FREM3: variants seen among roughly 807,000 people sequenced by gnomAD.
The protein encoded by FREM3 is FRAS1 related extracellular matrix 3, also known as FRAS1-related extracellular matrix protein 3.
Under a neutral mutation model 129.1 loss-of-function variants are expected in FREM3, and 105 were observed. The ratio of observed to expected loss-of-function variants is 0.81; its 90% CI spans 0.69 to 0.96. The LOEUF is 0.96. Ranked by LOEUF, FREM3 falls within the 40% of genes least tolerant of loss-of-function variation. FREM3 has a pLI of 0.00. For synonymous variants in FREM3, 1,014 were observed against 1,044.9 expected (o/e 0.97, Z 0.57); for missense variants, 2,593 against 2,666.3 (o/e 0.97, Z 0.61).
In FREM3 at chr4:143,588,464, A is replaced by G. The variant is rs543580285; in HGVS notation, c.6029-2471T>C. ...TGTGTCCATGTGTTCTCATTGTTCA[A>G]TTCCCACCTATGAGTGAGAACATGC... On this transcript the variant is annotated intron_variant, in intron 6 of 7. Coordinates refer to ENST00000329798, the MANE Select transcript of FREM3 (RefSeq NM_001168235.2). 9.3e-5 allele frequency among the ~76,000 whole-genome samples: 14 copies of G among 151,030 alleles called. No individual in the cohort carries two copies. The East Asian group carries it at 2.4e-3, about 25-fold the overall frequency.
Position 143,695,712 on chromosome 4 carries a change from A to T in FREM3, c.4964T>A (p.Leu1655Ter). The change falls in exon 1 of 8, where the codon TTA (leucine) becomes TAA (stop). Residue 1655 changes from leucine to a stop codon, truncating the protein, a stop_gained. Coordinates refer to ENST00000329798, the MANE Select transcript of FREM3 (RefSeq NM_001168235.2). LOFTEE classifies it high-confidence loss of function. ...AGTAATCTGGGGAAGCCTATTGTCT[A>T]ATGATCTTATCTGGACCCTCATTAC... is the stretch of plus-strand genomic sequence containing the variant. ...PQVMRVQIRS[L>*]DNRLPQITTN... 6.5e-7 allele frequency: 1 copy of T among 1,537,230 alleles called. No homozygotes were observed. The highest frequency in any genetic ancestry group is 2.4e-5 in the East Asian group (1 of 40,906).
intron 2 of FREM3, among the ~76,000 whole-genome samples, chr4:143,687,462 A>G (rs1291130860): frequency 6.6e-6 from 1 of 152,186 alleles, no homozygotes; most frequent in Non-Finnish European, 1.5e-5. Context: ...AATTATTTTG[A>G]CACTATTCCA....
intron 4 of FREM3, among the ~76,000 whole-genome samples, chr4:143,622,201 C>G (rs1200635229): frequency 6.6e-6 from 1 of 151,392 alleles, no homozygotes; most frequent in Non-Finnish European, 1.5e-5. Context: ...TCAAGCAACT[C>G]TCGTGCCTCA....
At chr4:143,632,181 G>C (rs1212435748) in intron 2 of FREM3, among the ~76,000 whole-genome samples, 1 of 148,964 alleles carries the variant, frequency 6.7e-6, no homozygotes, top group Non-Finnish European at 1.5e-5. Flanking sequence ...ACTCTTCTAA[G>C]TGTTGAGGAT....
chr4:143,622,891 C>G lies in FREM3; in HGVS notation c.5653+1217G>C, dbSNP rs1271008966. Among the ~76,000 whole-genome samples, 3 of 152,118 alleles carry G rather than the reference C, an allele frequency of 2.0e-5. 1 individual carries two copies. Among genetic ancestry groups the G allele is most frequent in the Middle Eastern group, 6.3e-3 (2 of 316 alleles). On this transcript the variant is annotated intron_variant, in intron 4 of 7. Transcript: ENST00000329798. The stretch of plus-strand genomic sequence containing the variant: ...GACCATGATGATCTATGTTCTTCTC[C>G]TTGAACTCTTAGTGTTTCTCCCATG...
chr4:143,663,214 G>T (rs1343182489), intron 2 of FREM3, among the ~76,000 whole-genome samples: 14 of 152,098 alleles, frequency 9.2e-5, no homozygotes, highest in Non-Finnish European at 1.9e-4. Context: ...TTTTGCAGCA[G>T]CTGGTACCGG....
At chr4:143,665,303 C>A (rs1379946222) in intron 2 of FREM3, among the ~76,000 whole-genome samples, 1 of 152,054 alleles carries the variant, frequency 6.6e-6, no homozygotes. Flanking sequence ...AGGTGCCTTA[C>A]CCACTTATTC....
intron 6 of FREM3, among the ~76,000 whole-genome samples, chr4:143,591,976 T>C (rs1213177845): frequency 6.6e-6 from 1 of 152,216 alleles, no homozygotes. Context: ...GTTGAATTGA[T>C]CCCTTTACCA....
At chr4:143,611,964 C>T (rs1187303217) in intron 5 of FREM3, among the ~76,000 whole-genome samples, 3 of 152,152 alleles carry the variant, frequency 2.0e-5, no homozygotes, top group Non-Finnish European at 4.4e-5. Context: ...GTAATCTGAT[C>T]ATCACACACC....
chr4:143,597,911 C>A (rs1165342539), intron 6 of FREM3, among the ~76,000 whole-genome samples: 2 of 152,222 alleles, frequency 1.3e-5, no homozygotes, highest in African/African-American at 4.8e-5. Flanking sequence ...ACTTGGAAGT[C>A]TAAGATCAAA....
At chr4:143,686,498 C>T (rs1326001006) in intron 2 of FREM3, among the ~76,000 whole-genome samples, 1 of 152,162 alleles carries the variant, frequency 6.6e-6, no homozygotes. Context: ...ATACAGAACA[C>T]TGTATCCAGC....
rs559799625 is a variant in FREM3, at chr4:143,636,210, T to A, written c.5276-8450A>T. Among the ~76,000 whole-genome samples the A allele has an allele frequency of 1.3e-3, 188 of 147,200 alleles. 2 individuals carry two copies. Among genetic ancestry groups the A allele is most frequent in the African/African-American group, 4.6e-3 (184 of 40,214 alleles). ...GAATAAAATTGATGTCCTAATGTTC[T>A]AAAGAAAAAAAAAGAAAGGAAAACA... On this transcript the variant is annotated intron_variant, in intron 2 of 7. Coordinates refer to ENST00000329798, the MANE Select transcript of FREM3 (RefSeq NM_001168235.2).
intron 1 of FREM3, among the ~76,000 whole-genome samples, chr4:143,693,646 G>A (rs535030800): frequency 3.3e-5 from 5 of 152,254 alleles, no homozygotes; most frequent in African/African-American, 1.2e-4. Flanking sequence ...ACACATGCAT[G>A]CAAATGTTCA....
At chr4:143,676,519 A>G (rs991940971) in intron 2 of FREM3, among the ~76,000 whole-genome samples, 7 of 152,166 alleles carry the variant, frequency 4.6e-5, no homozygotes, top group Non-Finnish European at 1.0e-4. Context: ...CCTATTCAAC[A>G]TAGTGTTGGA....
At chr4:143,689,539 C>T (rs918920895) in intron 2 of FREM3, among the ~76,000 whole-genome samples, 1 of 151,836 alleles carries the variant, frequency 6.6e-6, no homozygotes, top group Admixed American at 6.6e-5. Flanking sequence ...AGGTATTTAC[C>T]CAGAGGAAAA....
chr4:143,621,017 G>A lies in FREM3; in HGVS notation c.5779+20C>T. ...CTCATCATCTTATTCCTATGAACAG[G>A]ACCCCACAGAGCCTCATACCTTGAC... On this transcript the variant is annotated intron_variant, in intron 5 of 7. Coordinates refer to ENST00000329798, the MANE Select transcript of FREM3 (RefSeq NM_001168235.2). The A allele has an allele frequency of 6.5e-7, 1 of 1,536,376 alleles. No individual in the cohort carries two copies. Among genetic ancestry groups the A allele is most frequent in the South Asian group, 1.2e-5 (1 of 84,002 alleles).
intron 2 of FREM3, among the ~76,000 whole-genome samples, chr4:143,685,944 G>T (rs1377695591): frequency 6.6e-6 from 1 of 152,124 alleles, no homozygotes; most frequent in East Asian, 1.9e-4. Context: ...CCAAACCATG[G>T]CATGTGTATA....
At chr4:143,645,862 T>C (rs1205515434) in intron 2 of FREM3, among the ~76,000 whole-genome samples, 2 of 152,272 alleles carry the variant, frequency 1.3e-5, no homozygotes, top group African/African-American at 4.8e-5. Context: ...TGTGAAACTT[T>C]GCTAGATACA....
chr4:143,669,281 T>G (rs1180697294), intron 2 of FREM3, among the ~76,000 whole-genome samples: 1 of 152,168 alleles, frequency 6.6e-6, no homozygotes, highest in East Asian at 1.9e-4. Context: ...TTCTTAGCTG[T>G]GCTTTTAATT....
Sources: gnomAD v4.1 joint callset for allele counts (sites outside exome capture counted in the v4.1 genomes callset) on GRCh38, gnomAD v4.1.1 for gene constraint, MANE v1.5 for transcripts, NCBI Gene and HGNC (gene_info 2026-07-23, HGNC 2026-07-21) for gene names.